The following CAPS2 variants were observed in gnomAD, a reference collection of about 807,000 sequenced individuals.
The protein encoded by CAPS2 is calcyphosin-2.
CAPS2 carries 98 observed loss-of-function variants against 86.5 expected under a neutral mutation model. That is an observed-to-expected ratio of 1.13 (90% CI 0.96 to 1.34). CAPS2 has a LOEUF of 1.34. Among genes scored for constraint, CAPS2 ranks in the 40% most tolerant of loss-of-function variants. CAPS2 has a pLI of 0.00. For synonymous variants in CAPS2, 210 were observed against 225.1 expected (o/e 0.93, Z 0.60); for missense variants, 729 against 686.8 (o/e 1.06, Z -0.69).
At chr12:75,334,884 G>T, upstream of CAPS2, 2 of 1,613,904 alleles carry the variant, frequency 1.2e-6, no homozygotes, top group South Asian at 2.2e-5. Flanking sequence ...ACCCTCCCGC[G>T]GCCGACATGA....
intron 13 of CAPS2, among the ~76,000 whole-genome samples, chr12:75,290,684 G>A (rs1199586605): frequency 6.6e-6 from 1 of 152,082 alleles, no homozygotes; most frequent in Admixed American, 6.5e-5. Context: ...GTGAGGCCAA[G>A]GTGGGAGGAT....
intron 1 of CAPS2, among the ~76,000 whole-genome samples, chr12:75,337,427 A>C (rs2041812499): frequency 6.6e-6 from 1 of 151,940 alleles, no homozygotes; most frequent in African/African-American, 2.4e-5. Flanking sequence ...AAAAAACTCC[A>C]CACATTAAAT....
At chr12:75,297,862 C>T (rs2037160244) in intron 11 of CAPS2, among the ~76,000 whole-genome samples, 1 of 152,142 alleles carries the variant, frequency 6.6e-6, no homozygotes, top group Non-Finnish European at 1.5e-5. Flanking sequence ...CTTATCCCAG[C>T]CTTGCTAACT....
chr12:75,379,853 T>TAAAA (rs35309353), intron 1 of CAPS2, among the ~76,000 whole-genome samples: 1 of 111,912 alleles, frequency 8.9e-6, no homozygotes, highest in Admixed American at 9.4e-5. Flanking sequence ...TCCCTATCAG[T>TAAAA]AAAAAAAAAA....
rs563711036 is a variant in CAPS2 at position 75,280,851 on chromosome 12, C to T, written c.1612+1400G>A. On this transcript the variant is annotated intron_variant, in intron 16 of 16. Coordinates refer to ENST00000393284, the Ensembl canonical transcript of CAPS2. ...TCATACTTAAAAGTAATAAATTAACCATATATGAGGGTTAATGATGACGAG... is the reference window on the plus strand; with the variant it reads ...TCATACTTAAAAGTAATAAATTAACTATATATGAGGGTTAATGATGACGAG... Among the ~76,000 whole-genome samples the T allele has an allele frequency of 2.0e-5, 3 of 151,692 alleles. No individual in the cohort carries two copies. In the South Asian group the frequency reaches 6.2e-4, roughly 32 times the overall value.
chr12:75,346,049 AC>A (rs1304347309), intron 1 of CAPS2, among the ~76,000 whole-genome samples: 1 of 152,334 alleles, frequency 6.6e-6, no homozygotes, highest in East Asian at 1.9e-4. Flanking sequence ...TATTAGAGTT[AC>A]ATCCAATGTT....
chr12:75,366,987 A>G, intron 1 of CAPS2: 1 of 701,740 alleles, frequency 1.4e-6, no homozygotes, highest in Non-Finnish European at 2.6e-6. Context: ...CAGTAACAAA[A>G]TGTCCTTTCT....
intron 7 of CAPS2, chr12:75,305,462 A>G: frequency 1.8e-6 from 1 of 549,426 alleles, no homozygotes; most frequent in Non-Finnish European, 3.4e-6. Context: ...GAACAAAGTA[A>G]GGATCTGAGC....
intron 1 of CAPS2, chr12:75,370,117 C>T (rs2044262439): frequency 1.2e-6 from 2 of 1,607,786 alleles, no homozygotes; most frequent in Non-Finnish European, 1.7e-6. Flanking sequence ...GGGGAGAGCA[C>T]CTCAGCAGAC....
At chr12:75,381,663 G>A (rs990219773) in intron 1 of CAPS2, among the ~76,000 whole-genome samples, 11 of 132,054 alleles carry the variant, frequency 8.3e-5, no homozygotes, top group Admixed American at 7.1e-4. Context: ...TCACCAGGCT[G>A]GAGTGCAGTG....
At chr12:75,343,368 T>C (rs1028318483) in intron 1 of CAPS2, among the ~76,000 whole-genome samples, 3 of 152,050 alleles carry the variant, frequency 2.0e-5, no homozygotes, top group African/African-American at 7.2e-5. Context: ...TTGTAATAAA[T>C]TAACATGACC....
At chr12:75,293,186 T>C in intron 12 of CAPS2, 63 bp downstream of exon 12, 2 of 977,386 alleles carry the variant, frequency 2.0e-6, no homozygotes, top group South Asian at 2.7e-5. Flanking sequence ...AATGTCATTT[T>C]AAGATAATTT....
intron 4 of CAPS2, among the ~76,000 whole-genome samples, chr12:75,322,365 T>C (rs771481755): frequency 6.6e-6 from 1 of 152,180 alleles, no homozygotes; most frequent in Non-Finnish European, 1.5e-5. Context: ...GAGCTTTTTA[T>C]AAAGCCAGTC....
At chr12:75,389,217 C>G (rs1372401007) in intron 1 of CAPS2, among the ~76,000 whole-genome samples, 2 of 152,180 alleles carry the variant, frequency 1.3e-5, no homozygotes, top group African/African-American at 4.8e-5. Flanking sequence ...GTATTCACCA[C>G]TCTGTATTGT....
chr12:75,365,483 G>T (rs2043903854), intron 1 of CAPS2, among the ~76,000 whole-genome samples: 1 of 151,954 alleles, frequency 6.6e-6, no homozygotes, highest in Admixed American at 6.6e-5. Context: ...ACCTTCTTTT[G>T]CATATAACTT....
intron 1 of CAPS2, among the ~76,000 whole-genome samples, chr12:75,348,585 G>A (rs746655587): frequency 2.6e-5 from 4 of 152,158 alleles, no homozygotes; most frequent in Admixed American, 6.5e-5. Flanking sequence ...AATGGAAAGA[G>A]AATAATAATA....
chr12:75,315,294 T>C (rs2039641749), intron 6 of CAPS2, among the ~76,000 whole-genome samples: 2 of 152,224 alleles, frequency 1.3e-5, no homozygotes, highest in African/African-American at 4.8e-5. Context: ...TTCAGGGATA[T>C]ATCAAAATAA....
chr12:75,277,562 T>C (rs1468444405), exon 17 of CAPS2: 3 of 948,790 alleles, frequency 3.2e-6, no homozygotes, highest in Non-Finnish European at 3.8e-6. Context: ...AAAATAGCAC[T>C]AGAGGTTTAC....
At chr12:75,322,212 CCG>C (rs1213397260) in intron 4 of CAPS2, among the ~76,000 whole-genome samples, 1 of 151,998 alleles carries the variant, frequency 6.6e-6, no homozygotes, top group Non-Finnish European at 1.5e-5. Flanking sequence ...TTTACAGTGA[CCG>C]AAATATTATT....
Sources: gnomAD v4.1 joint callset for allele counts (sites outside exome capture counted in the v4.1 genomes callset) on GRCh38, gnomAD v4.1.1 for gene constraint, MANE v1.5 for transcripts, NCBI Gene and HGNC (gene_info 2026-07-23, HGNC 2026-07-21) for gene names.